Variants in ESR1 observed in about 807,000 individuals in gnomAD.
The protein encoded by ESR1 is estrogen receptor.
ESR1 carries 12 observed loss-of-function variants against 52.7 expected under a neutral mutation model. The observed-to-expected ratio is 0.23, with a 90% CI of 0.15 to 0.37. The LOEUF is 0.37. Ranked by LOEUF, ESR1 falls within the 10% of genes least tolerant of loss-of-function variation. ESR1 has a pLI of 1.00. For missense variants in ESR1, 584 were observed against 779.7 expected (o/e 0.75, Z 2.99); for synonymous variants, 305 against 316.8 (o/e 0.96, Z 0.39).
intron 2 of ESR1, among the ~76,000 whole-genome samples, chr6:151,714,990 A>G (rs1780916266): frequency 6.6e-6 from 1 of 151,978 alleles, no homozygotes; most frequent in Non-Finnish European, 1.5e-5. Context: ...TTACCTTTCC[A>G]TATTTAGTGT....
At chr6:151,784,784 G>C (rs1427712180) in intron 2 of ESR1, among the ~76,000 whole-genome samples, 1 of 152,088 alleles carries the variant, frequency 6.6e-6, no homozygotes, top group East Asian at 1.9e-4. Flanking sequence ...GTTTCCCCAT[G>C]AGTGCTCCCC....
chr6:151,749,220 A>T (rs1215174768), intron 2 of ESR1, among the ~76,000 whole-genome samples: 2 of 150,554 alleles, frequency 1.3e-5, no homozygotes, highest in African/African-American at 4.9e-5. Flanking sequence ...CTTGTGGAAA[A>T]GGGTGAAAAG....
intron 3 of ESR1, among the ~76,000 whole-genome samples, chr6:151,936,761 C>G (rs996069980): frequency 2.6e-5 from 4 of 152,156 alleles, no homozygotes; most frequent in Non-Finnish European, 5.9e-5. Context: ...TTGGGGTGAG[C>G]CTTCTGATTG....
intron 2 of ESR1, 58 bp downstream of exon 2, chr6:151,842,845 C>T: frequency 4.8e-6 from 7 of 1,456,812 alleles, no homozygotes; most frequent in Non-Finnish European, 6.7e-6. Flanking sequence ...TCCTAAGAGC[C>T]AAAGCGACTG....
At chr6:151,915,853 CT>C (rs2029980767) in intron 3 of ESR1, among the ~76,000 whole-genome samples, 2 of 151,376 alleles carry the variant, frequency 1.3e-5, no homozygotes, top group South Asian at 4.2e-4. Flanking sequence ...CTCTTTCTCT[CT>C]CTCTCTCTCT....
intron 5 of ESR1, among the ~76,000 whole-genome samples, chr6:152,032,151 AG>A (rs1303481556): frequency 2.0e-5 from 3 of 152,216 alleles, no homozygotes; most frequent in African/African-American, 7.2e-5. Flanking sequence ...CAAAATAATA[AG>A]AGCTATCTAT....
chr6:151,816,241 G>A (rs1288510832), intron 1 of ESR1, among the ~76,000 whole-genome samples: 2 of 152,264 alleles, frequency 1.3e-5, no homozygotes, highest in East Asian at 3.9e-4. Flanking sequence ...AGTGTTTGAG[G>A]TGACTTTATA....
rs1022502693 is a variant in ESR1, at chr6:152,123,433, C to A, written c.851-1833C>A. Among the ~76,000 whole-genome samples the A allele has an allele frequency of 1.2e-4, 19 of 152,202 alleles. 1 individual carries two copies. Among genetic ancestry groups the A allele is most frequent in the African/African-American group, 4.6e-4 (19 of 41,444 alleles). ...GACTGTCATCCTACAGCCCCTTCTA[C>A]ACTCAAAGTGACAAGTTTTTCTATT... On this transcript the variant is annotated intron_variant, in intron 6 of 6. Coordinates refer to the ESR1 transcript ENST00000427531.
At chr6:151,860,480 A>G (rs1788672036) in intron 2 of ESR1, among the ~76,000 whole-genome samples, 1 of 152,152 alleles carries the variant, frequency 6.6e-6, no homozygotes, top group Non-Finnish European at 1.5e-5. Flanking sequence ...TGATATATAT[A>G]GAGGGAGTGA....
chr6:151,760,904 A>C (rs1020152084), intron 2 of ESR1, among the ~76,000 whole-genome samples: 1 of 152,002 alleles, frequency 6.6e-6, no homozygotes, highest in Non-Finnish European at 1.5e-5. Context: ...AAGATAAAAA[A>C]CTCTATGATT....
intron 6 of ESR1, among the ~76,000 whole-genome samples, chr6:152,073,043 C>T (rs1038717154): frequency 1.3e-5 from 2 of 152,188 alleles, no homozygotes; most frequent in African/African-American, 4.8e-5. Flanking sequence ...TTATGTAGCT[C>T]AGGCTAGTGA....
At chr6:151,982,597 G>A (rs907583491) in intron 4 of ESR1, among the ~76,000 whole-genome samples, 36 of 151,434 alleles carry the variant, frequency 2.4e-4, no homozygotes, top group African/African-American at 7.6e-4. Context: ...CCAGTCTCCT[G>A]CCTCAGCCTC....
chr6:152,018,274 AG>A (rs1472251460), intron 5 of ESR1, among the ~76,000 whole-genome samples: 1 of 151,806 alleles, frequency 6.6e-6, no homozygotes, highest in African/African-American at 2.4e-5. Flanking sequence ...TTTTCATTTT[AG>A]GTTGTTTATT....
In ESR1 at chr6:151,810,361, G is replaced by A. The variant is rs190944147; in HGVS notation, c.452+1997G>A. 2.2e-4 allele frequency among the ~76,000 whole-genome samples: 34 copies of A among 152,076 alleles called. 1 individual carries two copies. In the South Asian group the frequency reaches 2.5e-3, roughly 11 times the overall value. ...TGATTTTTCCTGTGTTTTATTTCCC[G>A]GATTATCTTTCCTCTTTTGTTAGAA... On this transcript the variant is annotated intron_variant, in intron 1 of 7. Coordinates refer to ENST00000206249, the MANE Select transcript of ESR1 (RefSeq NM_000125.4).
At chr6:151,779,348 G>T (rs1413194013) in intron 2 of ESR1, among the ~76,000 whole-genome samples, 1 of 152,006 alleles carries the variant, frequency 6.6e-6, no homozygotes, top group East Asian at 1.9e-4. Flanking sequence ...ATTAAACGGG[G>T]AATCCTTTCC....
intron 6 of ESR1, among the ~76,000 whole-genome samples, chr6:152,121,025 G>A (rs2152516891): frequency 6.6e-6 from 1 of 152,274 alleles, no homozygotes; most frequent in Non-Finnish European, 1.5e-5. Context: ...CAGCCAACAA[G>A]CTCCGGCAAT....
intron 3 of ESR1, among the ~76,000 whole-genome samples, chr6:151,899,556 C>T (rs1157312920): frequency 3.4e-4 from 49 of 142,526 alleles, no homozygotes; most frequent in Non-Finnish European, 1.7e-4. Context: ...CCGGACGGGG[C>T]GGCTGGCCGG....
intron 1 of ESR1, among the ~76,000 whole-genome samples, chr6:151,838,040 C>T (rs1027390345): frequency 6.6e-6 from 1 of 152,140 alleles, no homozygotes; most frequent in Non-Finnish European, 1.5e-5. Context: ...CACTCTGTCT[C>T]CCAGGCTGGA....
exon 7 of ESR1, chr6:152,125,468 C>T: frequency 7.7e-7 from 1 of 1,296,868 alleles, no homozygotes; most frequent in Non-Finnish European, 1.0e-6. Flanking sequence ...TCTCTCTGGC[C>T]TTCAGTTTTC....
Sources: allele counts gnomAD v4.1 joint callset (sites outside exome capture counted in the v4.1 genomes callset), GRCh38; gene constraint gnomAD v4.1.1; transcripts MANE v1.5; gene names NCBI Gene and HGNC (gene_info 2026-07-23, HGNC 2026-07-21).